AEBP2: variants seen among roughly 807,000 people sequenced by gnomAD.
The protein encoded by AEBP2 is AE binding protein 2.
A neutral mutation model predicts 50.8 loss-of-function variants in AEBP2; 10 were observed. That is an observed-to-expected ratio of 0.20 (90% confidence interval 0.12 to 0.33). The LOEUF (loss-of-function observed/expected upper bound fraction) is 0.33. AEBP2 is among the 10% of genes least tolerant of loss of function. AEBP2 has a pLI of 1.00. For synonymous variants in AEBP2, 296 were observed against 261.3 expected (o/e 1.13, Z -1.28); for missense variants, 570 against 688.0 (o/e 0.83, Z 1.92).
At chr12:19,472,992 T>TTA (rs965162702) in intron 2 of AEBP2, among the ~76,000 whole-genome samples, 10 of 152,216 alleles carry the variant, frequency 6.6e-5, no homozygotes, top group African/African-American at 2.4e-4. Context: ...ATTGCTAATA[T>TTA]TATATATATT....
At chr12:19,421,567 A>G (rs911973707) in intron 1 of AEBP2, among the ~76,000 whole-genome samples, 2 of 151,894 alleles carry the variant, frequency 1.3e-5, no homozygotes, top group East Asian at 3.9e-4. Flanking sequence ...GGCTGCAGTA[A>G]ACTGTAATCA....
chr12:19,449,266 T>G (rs1331388767), intron 1 of AEBP2, among the ~76,000 whole-genome samples: 2 of 152,212 alleles, frequency 1.3e-5, no homozygotes, highest in African/African-American at 2.4e-5. Flanking sequence ...AGTGGATTTC[T>G]TTTTTTAAAC....
intron 1 of AEBP2, among the ~76,000 whole-genome samples, chr12:19,451,308 C>A (rs1948162911): frequency 6.6e-6 from 1 of 152,140 alleles, no homozygotes; most frequent in African/African-American, 2.4e-5. Flanking sequence ...CCCACTGACT[C>A]ATGTCATGTA....
chr12:19,415,655 T>TCAATA (rs58109649), intron 1 of AEBP2, among the ~76,000 whole-genome samples: 43,871 of 131,662 alleles, frequency 0.33, 7,431 homozygotes, highest in East Asian at 0.4. Flanking sequence ...AGAGATTAAA[T>TCAATA]CAATACAATA....
intron 3 of AEBP2, among the ~76,000 whole-genome samples, chr12:19,481,092 CTTTTTTTTTTTTT>C (rs71067027): frequency 2.2e-4 from 16 of 74,054 alleles, no homozygotes; most frequent in African/African-American, 8.0e-4. Flanking sequence ...GCAGTGCATC[CTTTTTTTTTTTTT>C]TTTTTTTTTT....
At chr12:19,419,188 G>A (rs2095744239) in intron 1 of AEBP2, 2 of 153,470 alleles carry the variant, frequency 1.3e-5, no homozygotes, top group African/African-American at 4.8e-5. Context: ...AACACTCAGG[G>A]TGCAGGCACT....
intron 1 of AEBP2, among the ~76,000 whole-genome samples, chr12:19,406,003 T>C (rs1199642280): frequency 1.3e-5 from 2 of 148,326 alleles, no homozygotes; most frequent in Admixed American, 6.8e-5. Context: ...AGACGGAGTC[T>C]CACTCCAGGC....
At chr12:19,513,026 T>C (rs372839713) in intron 6 of AEBP2, among the ~76,000 whole-genome samples, 2 of 152,262 alleles carry the variant, frequency 1.3e-5, no homozygotes, top group African/African-American at 4.8e-5. Flanking sequence ...TTTTGTTTTT[T>C]TGTTTTGTTT....
intron 1 of AEBP2, among the ~76,000 whole-genome samples, chr12:19,462,293 C>A (rs1948393478): frequency 6.6e-6 from 1 of 152,042 alleles, no homozygotes; most frequent in Admixed American, 6.6e-5. Context: ...TATTCCATTT[C>A]TGATTTTGAG....
At chr12:19,456,263 T>A (rs1948268316) in intron 1 of AEBP2, 2 of 1,529,096 alleles carry the variant, frequency 1.3e-6, no homozygotes, top group Non-Finnish European at 1.8e-6. Context: ...CCTTTTGAGC[T>A]TTCTGGGCAG....
intron 3 of AEBP2, among the ~76,000 whole-genome samples, chr12:19,475,714 G>A (rs116219672): frequency 8.1e-4 from 123 of 152,194 alleles, no homozygotes; most frequent in African/African-American, 2.9e-3. Flanking sequence ...CACCAGCAGT[G>A]TAAAAGTGTT....
chr12:19,501,782 T>C (rs537499594), intron 5 of AEBP2, among the ~76,000 whole-genome samples: 100 of 136,046 alleles, frequency 7.4e-4, no homozygotes, highest in African/African-American at 2.5e-3. Context: ...CGTCGTCTCC[T>C]ATAAAAATGA....
chr12:19,467,457 CT>C (rs1293713242), intron 2 of AEBP2, among the ~76,000 whole-genome samples: 1 of 152,010 alleles, frequency 6.6e-6, no homozygotes, highest in Non-Finnish European at 1.5e-5. Flanking sequence ...CCACACCTGA[CT>C]TACTTTTGTA....
At chr12:19,434,629 C>T (rs2095753270), upstream of AEBP2, among the ~76,000 whole-genome samples, 1 of 152,202 alleles carries the variant, frequency 6.6e-6, no homozygotes, top group African/African-American at 2.4e-5. Flanking sequence ...GACTTTGGTC[C>T]TCAGGATCAT....
rs10643072 is a variant in AEBP2 at position 19,468,126 on chromosome 12, T to TTGTGTGTGTGTGTGTGTGTGTG, written c.880-5112_880-5091dup. 3.2e-3 allele frequency among the ~76,000 whole-genome samples: 461 copies of TTGTGTGTGTGTGTGTGTGTGTG among 144,054 alleles called. 3 individuals carry two copies. Among genetic ancestry groups the TTGTGTGTGTGTGTGTGTGTGTG allele is most frequent in the Non-Finnish European group, 4.4e-3 (288 of 66,112 alleles). The allele number at this position is 144,054 out of a possible 152,430, so 94.5% of individuals were successfully genotyped here. ...ATCCATCCAACCCCTCTGCCTGACTTTGTGTGTGTGTGTGTGTGTGTGTGT... is the reference window on the plus strand; with the variant it reads ...ATCCATCCAACCCCTCTGCCTGACTTTGTGTGTGTGTGTGTGTGTGTGTGTGTGTGTGTGTGTGTGTGTGTGT... On this transcript the variant is annotated intron_variant, in intron 2 of 7. Transcript: ENST00000266508.
chr12:19,432,121 G>A (rs1448966457), intron 1 of AEBP2, among the ~76,000 whole-genome samples: 1 of 152,086 alleles, frequency 6.6e-6, no homozygotes, highest in Non-Finnish European at 1.5e-5. Context: ...TCATTTTAGT[G>A]GAAGAGAGAA....
At chr12:19,473,388 T>A (rs11044583) in intron 3 of AEBP2, 33 bp downstream of exon 3, 519,316 of 673,226 alleles carry the variant, frequency 0.77, 196,567 homozygotes, top group Non-Finnish European at 0.79. Flanking sequence ...TTTATTTATT[T>A]ATTTATTTAT....
intron 5 of AEBP2, among the ~76,000 whole-genome samples, chr12:19,511,545 A>G (rs1474758704): frequency 6.6e-6 from 1 of 152,184 alleles, no homozygotes; most frequent in East Asian, 1.9e-4. Context: ...AAGTGATGCT[A>G]CTGAATTTGT....
At chr12:19,452,982 T>TTA (rs1397917646) in intron 1 of AEBP2, among the ~76,000 whole-genome samples, 2 of 146,698 alleles carry the variant, frequency 1.4e-5, no homozygotes, top group Non-Finnish European at 3.0e-5. Context: ...TTTTTTTTTT[T>TTA]TGAGACGGAG....
Sources: gnomAD v4.1 joint callset for allele counts (sites outside exome capture counted in the v4.1 genomes callset) on GRCh38, gnomAD v4.1.1 for gene constraint, MANE v1.5 for transcripts, NCBI Gene and HGNC (gene_info 2026-07-23, HGNC 2026-07-21) for gene names.